The following ZNF573 variants were observed in gnomAD, a reference collection of about 807,000 sequenced individuals.
ZNF573 encodes zinc finger protein 573.
ZNF573 carries 41 observed loss-of-function variants against 57.4 expected under a neutral mutation model. The ratio of observed to expected loss-of-function variants is 0.71; its 90% CI spans 0.56 to 0.93. The LOEUF is 0.93. ZNF573 is among the 40% of genes least tolerant of loss of function. The pLI is 0.00. For synonymous variants in ZNF573, 249 were observed against 261.0 expected (o/e 0.95, Z 0.44); for missense variants, 730 against 794.8 (o/e 0.92, Z 0.98).
chr19:37,757,390 G>C (rs1599694960), intron 4 of ZNF573, among the ~76,000 whole-genome samples: 2 of 151,330 alleles, frequency 1.3e-5, no homozygotes, highest in African/African-American at 4.9e-5. Context: ...GTAGAGACGG[G>C]GTTTCACCGT....
chr19:37,750,809 A>C (rs2145292656), intron 4 of ZNF573, among the ~76,000 whole-genome samples: 1 of 149,362 alleles, frequency 6.7e-6, no homozygotes, highest in African/African-American at 2.4e-5. Flanking sequence ...CCAACCCCAG[A>C]TGACAGAGCA....
At chr19:37,773,879 A>G (rs2045682160) in intron 1 of ZNF573, 128 bp from the exon 2 acceptor site, 1 of 597,898 alleles carries the variant, frequency 1.7e-6, no homozygotes, top group African/African-American at 1.9e-5. Flanking sequence ...AAAACAGACA[A>G]TGAATCTAAG....
chr19:37,740,641 C>T (rs771252206), intron 4 of ZNF573: 6 of 454,318 alleles, frequency 1.3e-5, no homozygotes, highest in South Asian at 9.4e-5. Flanking sequence ...TGCTGCTTAC[C>T]TAGGAGGTCT....
chr19:37,750,375 C>T (rs856296), intron 4 of ZNF573, among the ~76,000 whole-genome samples: 3,292 of 152,172 alleles, frequency 0.022, 126 homozygotes, highest in African/African-American at 0.074. Flanking sequence ...TGAGCCACTG[C>T]GCCCAGCCAT....
rs145531339 is a variant in ZNF573, at chr19:37,764,321, T to G, written c.295+5684A>C. On this transcript the variant is annotated intron_variant, in intron 4 of 4. Coordinates refer to ENST00000536220, the MANE Select transcript of ZNF573 (RefSeq NM_001172690.2). ...TTAGAGTTTTTTTTTGTTTTTTTTT[T>G]TTGTTGTTTTTTTTTCTTAAGACGG... Among the ~76,000 whole-genome samples the G allele has an allele frequency of 8.2e-3, 1,237 of 151,388 alleles. 19 individuals carry two copies. The highest frequency in any genetic ancestry group is 0.022 in the African/African-American group (925 of 41,428).
chr19:37,753,304 G>A (rs1326098358), intron 4 of ZNF573, among the ~76,000 whole-genome samples: 1 of 152,044 alleles, frequency 6.6e-6, no homozygotes, highest in African/African-American at 2.4e-5. Context: ...CATACAATGT[G>A]TAATAATCAC....
rs777790984 is a variant in ZNF573 at position 37,738,745 on chromosome 19, T to C, written c.1745A>G (p.Tyr582Cys). The C allele has an allele frequency of 5.6e-6, 9 of 1,613,782 alleles. No individual in the cohort carries two copies. The highest frequency in any genetic ancestry group is 2.7e-5 in the African/African-American group (2 of 74,890). ...HQSIHADKKP[Y>C]ECKECGKAFK... ...GGCCTTTCCACATTCTTTACATTCA[T>C]AGGGTTTTTTATCAGCATGAATGCT... is the stretch of plus-strand genomic sequence containing the variant. Residue 582 changes from tyrosine (Y) to cysteine (C), a missense_variant, in exon 5 of 5, where the codon TAT becomes TGT. Physicochemically the swap from Tyr to Cys is radical, Grantham distance 194 (BLOSUM62 -2). Coordinates refer to ENST00000536220, the MANE Select transcript of ZNF573 (RefSeq NM_001172690.2).
chr19:37,775,954 A>T (rs1452702118), intron 1 of ZNF573, among the ~76,000 whole-genome samples: 2 of 152,098 alleles, frequency 1.3e-5, no homozygotes, highest in Non-Finnish European at 2.9e-5. Context: ...TACAAGGAAA[A>T]CTACAAAACA....
At chr19:37,749,568 T>C (rs2045414315) in intron 4 of ZNF573, among the ~76,000 whole-genome samples, 2 of 152,042 alleles carry the variant, frequency 1.3e-5, no homozygotes, top group Non-Finnish European at 2.9e-5. Flanking sequence ...GACCTATATA[T>C]TCATCACAAG....
chr19:37,759,001 A>G (rs1385613267), intron 4 of ZNF573: 2 of 456,252 alleles, frequency 4.4e-6, no homozygotes, highest in African/African-American at 4.2e-5. Flanking sequence ...AGGCTGATAT[A>G]TCAATATATC....
At chr19:37,770,209 G>T in intron 3 of ZNF573, 112 bp from the exon 4 acceptor site, 2 of 800,260 alleles carry the variant, frequency 2.5e-6, no homozygotes, top group Non-Finnish European at 3.9e-6. Context: ...AAAGAGGGGT[G>T]AGATGATTGA....
Position 37,739,268 on chromosome 19 carries a change from G to C in ZNF573, c.1222C>G (p.His408Asp). Residue 408 changes from histidine (H) to aspartate (D), a missense_variant, in exon 5 of 5, where the codon CAT becomes GAT. By Grantham distance (81) the His-to-Asp change is moderately conservative. Coordinates refer to ENST00000536220, the MANE Select transcript of ZNF573 (RefSeq NM_001172690.2). ...GSKLFQHQKT[H>D]TGEKPYECKE... ...CATTCATAGGGTTTCTCGCCAGTAT[G>C]AGTTTTCTGATGTTGAAAGAGTTTT... The C allele has an allele frequency of 1.2e-6, 2 of 1,614,046 alleles. No homozygotes were observed. The highest frequency in any genetic ancestry group is 1.7e-6 in the Non-Finnish European group (2 of 1,180,016).
intron 4 of ZNF573, among the ~76,000 whole-genome samples, chr19:37,764,018 G>A (rs867166490): frequency 4.2e-5 from 6 of 143,266 alleles, no homozygotes; most frequent in Admixed American, 7.4e-5. Context: ...AGCCAAGATC[G>A]CACCTTTTCA....
At chr19:37,750,013 A>AGG (rs899426139) in intron 4 of ZNF573, among the ~76,000 whole-genome samples, 40 of 152,278 alleles carry the variant, frequency 2.6e-4, no homozygotes, top group African/African-American at 9.6e-4. Context: ...ACATTCTAAG[A>AGG]GGGGGTAAAA....
intron 4 of ZNF573, among the ~76,000 whole-genome samples, chr19:37,764,969 G>T (rs559657751): frequency 7.1e-6 from 1 of 141,482 alleles, no homozygotes; most frequent in Non-Finnish European, 1.5e-5. Flanking sequence ...GCAGTGGCAT[G>T]ATCTCTGTTC....
At chr19:37,765,976 G>T (rs1291103670) in intron 4 of ZNF573, among the ~76,000 whole-genome samples, 4 of 151,652 alleles carry the variant, frequency 2.6e-5, no homozygotes, top group African/African-American at 9.7e-5. Flanking sequence ...GGAGGTGGAG[G>T]TTGCAATGAG....
At chr19:37,749,009 A>T (rs1327240055) in intron 4 of ZNF573, among the ~76,000 whole-genome samples, 1 of 151,940 alleles carries the variant, frequency 6.6e-6, no homozygotes, top group African/African-American at 2.4e-5. Context: ...TTTATAAATG[A>T]CATTTTTAGA....
intron 4 of ZNF573, among the ~76,000 whole-genome samples, chr19:37,768,582 C>T (rs895866703): frequency 1.2e-4 from 18 of 152,218 alleles, no homozygotes; most frequent in African/African-American, 3.4e-4. Flanking sequence ...CCATCTCATC[C>T]AAAATGGCCT....
chr19:37,752,433 G>A (rs1181979861), intron 4 of ZNF573, among the ~76,000 whole-genome samples: 1 of 152,126 alleles, frequency 6.6e-6, no homozygotes, highest in African/African-American at 2.4e-5. Flanking sequence ...AAAAAAGAAT[G>A]AGTATTGATA....
Sources: gnomAD v4.1 joint callset for allele counts (sites outside exome capture counted in the v4.1 genomes callset) on GRCh38, gnomAD v4.1.1 for gene constraint, MANE v1.5 for transcripts, NCBI Gene and HGNC (gene_info 2026-07-23, HGNC 2026-07-21) for gene names.